Variants in NEDD4L observed in about 807,000 individuals in gnomAD.
NEDD4L encodes the protein NEDD4 like E3 ubiquitin protein ligase, also known as E3 ubiquitin-protein ligase NEDD4-like.
In NEDD4L, 54 loss-of-function variants were observed where a neutral mutation model predicts 148.9. The observed-to-expected ratio is 0.36, with a 90% CI of 0.29 to 0.45. The LOEUF (loss-of-function observed/expected upper bound fraction) is 0.45, where lower values mean the gene tolerates loss of function less well. NEDD4L is among the 20% of genes least tolerant of loss of function. The pLI is 1.00. For synonymous variants in NEDD4L, 433 were observed against 440.7 expected (o/e 0.98, Z 0.22); for missense variants, 856 against 1,233.8 (o/e 0.69, Z 4.59).
intron 1 of NEDD4L, among the ~76,000 whole-genome samples, chr18:58,106,290 G>T (rs2145582916): frequency 6.6e-6 from 1 of 152,356 alleles, no homozygotes; most frequent in Non-Finnish European, 1.5e-5. Flanking sequence ...CTTAAGTCTT[G>T]CCCCTTCAAC....
chr18:58,236,931 G>A (rs2046099298), intron 2 of NEDD4L, among the ~76,000 whole-genome samples: 1 of 152,076 alleles, frequency 6.6e-6, no homozygotes, highest in Non-Finnish European at 1.5e-5. Context: ...GCTGAGGCAG[G>A]AGAATAGCTT....
chr18:58,325,986 C>T (rs1290567732), intron 9 of NEDD4L, among the ~76,000 whole-genome samples: 1 of 152,150 alleles, frequency 6.6e-6, no homozygotes, highest in African/African-American at 2.4e-5. Context: ...TATCAATGAA[C>T]TATACAACTT....
At chr18:58,296,132 T>C (rs2055536535) in intron 5 of NEDD4L, among the ~76,000 whole-genome samples, 1 of 152,144 alleles carries the variant, frequency 6.6e-6, no homozygotes, top group Admixed American at 6.5e-5. Context: ...CTTGTGGAAT[T>C]TGAGTTTGAC....
At chr18:58,213,286 A>G (rs477257) in intron 2 of NEDD4L, among the ~76,000 whole-genome samples, 67,369 of 152,000 alleles carry the variant, frequency 0.44, 16,342 homozygotes, top group African/African-American at 0.66. Context: ...GTATAAGGAT[A>G]TTTATTGTAC....
intron 5 of NEDD4L, among the ~76,000 whole-genome samples, chr18:58,286,264 A>G (rs2053890662): frequency 6.6e-6 from 1 of 152,244 alleles, no homozygotes; most frequent in South Asian, 2.1e-4. Context: ...ACTATGTTCT[A>G]TAGAATATAA....
chr18:58,116,764 C>T (rs1376690615), intron 1 of NEDD4L, among the ~76,000 whole-genome samples: 4 of 152,264 alleles, frequency 2.6e-5, no homozygotes, highest in Non-Finnish European at 4.4e-5. Context: ...GACTTAACAT[C>T]CCCCATGCCC....
At chr18:58,395,973 C>A (rs2050443484) in intron 30 of NEDD4L, among the ~76,000 whole-genome samples, 194 bp from the exon 31 acceptor site, 1 of 152,094 alleles carries the variant, frequency 6.6e-6, no homozygotes, top group Non-Finnish European at 1.5e-5. Context: ...TGAAAATGTT[C>A]TTTCTCTGTA....
Position 58,165,975 on chromosome 18 carries a change from G to C in NEDD4L, c.122+114G>C, listed in dbSNP as rs2036799852. 41 of 822,734 alleles carry C rather than the reference G, an allele frequency of 5.0e-5. 1 individual carries two copies. In the South Asian group the frequency reaches 6.3e-4, roughly 13 times the overall value. 51.0% of individuals were successfully genotyped at this position (822,734 alleles called of 1,614,324 possible). A position where few individuals can be genotyped will look rare whatever the true frequency, so the allele number is the denominator to read the frequency against. ...GACTTCTTAAGACAAAGCTGGCTGG[G>C]CCCCACCTGCAGGGATTCTGATTTA... On this transcript the variant is annotated intron_variant, in intron 2 of 30. Transcript: ENST00000400345.
At chr18:58,138,392 CCT>C in intron 1 of NEDD4L, among the ~76,000 whole-genome samples, 1 of 144,148 alleles carries the variant, frequency 6.9e-6, no homozygotes, top group South Asian at 2.2e-4. Flanking sequence ...TTCCTCCCCT[CCT>C]CCTCTTTCCT....
intron 2 of NEDD4L, among the ~76,000 whole-genome samples, chr18:58,223,696 A>G (rs1183779727): frequency 6.6e-6 from 1 of 152,218 alleles, no homozygotes; most frequent in Non-Finnish European, 1.5e-5. Flanking sequence ...GTAGTGTGCT[A>G]GTAACATAGA....
chr18:58,229,534 T>C (rs2044813864), intron 2 of NEDD4L, among the ~76,000 whole-genome samples: 1 of 152,230 alleles, frequency 6.6e-6, no homozygotes, highest in African/African-American at 2.4e-5. Context: ...TTAATATAAT[T>C]GTCATTGCTC....
chr18:58,270,530 G>A (rs922988930), intron 5 of NEDD4L, among the ~76,000 whole-genome samples: 3 of 152,126 alleles, frequency 2.0e-5, no homozygotes, highest in African/African-American at 7.2e-5. Context: ...GAACATATCT[G>A]AACAATTTTT....
intron 2 of NEDD4L, chr18:58,195,405 A>G: frequency 2.4e-6 from 3 of 1,275,124 alleles, no homozygotes; most frequent in Non-Finnish European, 3.1e-6. Context: ...CGTGTTCCCC[A>G]CATTTGAATT....
intron 15 of NEDD4L, 147 bp downstream of exon 15, chr18:58,341,944 T>A: frequency 1.2e-6 from 1 of 865,250 alleles, no homozygotes; most frequent in East Asian, 2.7e-5. Context: ...TTGTGCAGCC[T>A]TTCTACCTGC....
chr18:58,334,211 C>T (rs993653435), intron 12 of NEDD4L, among the ~76,000 whole-genome samples: 6 of 152,332 alleles, frequency 3.9e-5, no homozygotes, highest in African/African-American at 1.4e-4. Context: ...TATAGTTATG[C>T]TCCAGTGATC....
intron 1 of NEDD4L, among the ~76,000 whole-genome samples, chr18:58,052,564 G>A (rs1048895339): frequency 6.6e-6 from 1 of 152,042 alleles, no homozygotes; most frequent in Non-Finnish European, 1.5e-5. Context: ...CTTCTTGGCA[G>A]GCAGACATCT....
At chr18:58,073,443 T>G (rs116567719) in intron 1 of NEDD4L, among the ~76,000 whole-genome samples, 82 of 152,324 alleles carry the variant, frequency 5.4e-4, no homozygotes, top group African/African-American at 1.9e-3. Context: ...AATAGACCCT[T>G]AACTTTACAG....
intron 1 of NEDD4L, among the ~76,000 whole-genome samples, chr18:58,062,521 A>C (rs369830637): frequency 1.3e-5 from 2 of 152,274 alleles, no homozygotes; most frequent in East Asian, 3.9e-4. Context: ...TGAAAAATGG[A>C]GAAAAGGAGA....
At chr18:58,201,438 C>T (rs2041396077) in intron 2 of NEDD4L, among the ~76,000 whole-genome samples, 1 of 152,104 alleles carries the variant, frequency 6.6e-6, no homozygotes, top group Admixed American at 6.6e-5. Flanking sequence ...TAATGAAACC[C>T]CATCACTCAG....
Sources: allele counts gnomAD v4.1 joint callset (sites outside exome capture counted in the v4.1 genomes callset), GRCh38; gene constraint gnomAD v4.1.1; transcripts MANE v1.5; gene names NCBI Gene and HGNC (gene_info 2026-07-23, HGNC 2026-07-21).